DHRS7C: variants seen among roughly 807,000 people sequenced by gnomAD.
The protein encoded by DHRS7C is dehydrogenase/reductase 7C.
A neutral mutation model predicts 29.6 loss-of-function variants in DHRS7C; 28 were observed. That is an observed-to-expected ratio of 0.95 (90% CI 0.70 to 1.30). The LOEUF is 1.30. DHRS7C is among the 50% of genes most tolerant of loss of function. The probability of loss-of-function intolerance (pLI) is 0.00; values close to 1 mark genes in which losing one functional copy is unlikely to be tolerated. For synonymous variants in DHRS7C, 158 were observed against 160.2 expected (o/e 0.99, Z 0.10); for missense variants, 403 against 393.3 (o/e 1.02, Z -0.21).
chr17:9,777,362 C>T (rs2272032), intron 3 of DHRS7C, 77 bp from the exon 4 acceptor site: 305,677 of 1,248,878 alleles, frequency 0.24, 38,375 homozygotes, highest in East Asian at 0.36. Flanking sequence ...CCCCTGCCCC[C>T]GGTACCCTCA....
rs1247929976 is a variant in DHRS7C at position 9,774,441 on chromosome 17, T to G, written c.572-1519A>C. ...CTGAGATTATGGGTACACACCATCA[T>G]GCCTGGCTAATTTTTGTATTTTTAG... On this transcript the variant is annotated intron_variant, in intron 4 of 5. Transcript: ENST00000571134. The surrounding 1 kb of genome is among the most constrained non-coding windows in gnomAD (Gnocchi z 5.0). Among the ~76,000 whole-genome samples, 1 of 152,120 alleles carries G rather than the reference T, an allele frequency of 6.6e-6. No individual in the cohort carries two copies. The highest frequency in any genetic ancestry group is 1.9e-4 in the East Asian group (1 of 5,178).
chr17:9,772,139 C>T (rs1318251270), intron 5 of DHRS7C, among the ~76,000 whole-genome samples: 1 of 152,138 alleles, frequency 6.6e-6, no homozygotes, highest in East Asian at 1.9e-4. Flanking sequence ...AGCGCCTCTA[C>T]GCTTAGAGCA....
At chr17:9,773,045 C>T in intron 4 of DHRS7C, 123 bp from the exon 5 acceptor site, 1 of 1,184,760 alleles carries the variant, frequency 8.4e-7, no homozygotes, top group Non-Finnish European at 1.2e-6. Context: ...GGAAGATCCT[C>T]AAGAATCTGC....
intron 1 of DHRS7C, among the ~76,000 whole-genome samples, chr17:9,783,216 A>G (rs2066403092): frequency 6.6e-6 from 1 of 152,370 alleles, no homozygotes; most frequent in South Asian, 2.1e-4. Context: ...GTCTGCTGAC[A>G]GAGGGAAACC....
At position 9,787,060 on chromosome 17, in the gene DHRS7C, C is replaced by T. The variant is rs368065058; in HGVS notation, c.154+4071G>A. Among the ~76,000 whole-genome samples, 4 of 152,128 alleles carry T rather than the reference C, an allele frequency of 2.6e-5. No homozygotes were observed. In the South Asian group the frequency reaches 8.3e-4, roughly 31 times the overall value. On this transcript the variant is annotated intron_variant, in intron 1 of 5. Transcript: ENST00000571134. ...TCCCAGGTTCAAGTGATTCTCCCGC[C>T]TCAGCCTCCCAAGTAGCTGGGATTA...
At chr17:9,777,473 C>A (rs535809456) in intron 3 of DHRS7C, among the ~76,000 whole-genome samples, 188 bp from the exon 4 acceptor site, 2 of 151,178 alleles carry the variant, frequency 1.3e-5, no homozygotes, top group African/African-American at 4.9e-5. Flanking sequence ...CGTGGGCTGG[C>A]GAGTTGCTGG....
rs116614649 is a variant in DHRS7C at position 9,788,953 on chromosome 17, A to G, written c.154+2178T>C. Among the ~76,000 whole-genome samples the G allele has an allele frequency of 4.4e-3, 667 of 152,318 alleles. 3 individuals are homozygous for G. Among genetic ancestry groups the G allele is most frequent in the African/African-American group, 0.015 (629 of 41,564 alleles). On this transcript the variant is annotated intron_variant, in intron 1 of 5. Coordinates refer to ENST00000571134, the MANE Select transcript of DHRS7C (RefSeq NM_001105571.3). Reference sequence around the variant, plus strand: ...AAAAAGAACAGTGACAGTAGACACGACAAGCTAGGCCATGAGGTCCTGCAA... The same window carrying G: ...AAAAAGAACAGTGACAGTAGACACGGCAAGCTAGGCCATGAGGTCCTGCAA...
intron 1 of DHRS7C, among the ~76,000 whole-genome samples, chr17:9,784,619 T>C (rs182304793): frequency 6.6e-6 from 1 of 152,354 alleles, no homozygotes; most frequent in East Asian, 1.9e-4. Context: ...TGTGAAGAAC[T>C]CTTACAAATC....
At position 9,781,604 on chromosome 17, in the gene DHRS7C, A is replaced by C. The variant is rs76199532; in HGVS notation, c.155-10T>G. 8 of 1,612,962 alleles carry C rather than the reference A, an allele frequency of 5.0e-6. 1 individual carries two copies. The highest frequency in any genetic ancestry group is 2.7e-5 in the African/African-American group (2 of 75,046). ...AACACCCGAGCACACTCTGTGGGGAAGAAGGAAACAGGGCAGGGCACACTG... is the reference window on the plus strand; with the variant it reads ...AACACCCGAGCACACTCTGTGGGGACGAAGGAAACAGGGCAGGGCACACTG... On this transcript the variant is annotated splice_polypyrimidine_tract_variant and intron_variant, in intron 1 of 5. Transcript: ENST00000571134.
intron 4 of DHRS7C, among the ~76,000 whole-genome samples, chr17:9,776,935 T>A (rs1211457605): frequency 2.6e-5 from 4 of 152,196 alleles, no homozygotes; most frequent in African/African-American, 9.6e-5. Flanking sequence ...CTAGTGCATG[T>A]CCTGCCCCCA....
At chr17:9,789,296 T>A (rs1019212422) in intron 1 of DHRS7C, among the ~76,000 whole-genome samples, 1 of 152,078 alleles carries the variant, frequency 6.6e-6, no homozygotes, top group African/African-American at 2.4e-5. Flanking sequence ...AGAATCGAAA[T>A]CATACAGAGC....
intron 1 of DHRS7C, among the ~76,000 whole-genome samples, chr17:9,786,951 AT>A (rs971592063): frequency 5.0e-4 from 74 of 147,214 alleles, no homozygotes; most frequent in East Asian, 9.9e-4. Flanking sequence ...ATGAGCATCT[AT>A]TTTTTTTTTT....
At position 9,791,155 on chromosome 17, in the gene DHRS7C, C is replaced by A. The variant is rs372936816; in HGVS notation, c.130G>T (p.Asp44Tyr). 1 of 1,613,196 alleles carries A rather than the reference C, an allele frequency of 6.2e-7. No individual in the cohort carries two copies. Among genetic ancestry groups the A allele is most frequent in the Non-Finnish European group, 8.5e-7 (1 of 1,179,654 alleles). Residue 44 changes from aspartate to tyrosine, a missense_variant, in exon 1 of 6, where the codon GAT (aspartate) becomes TAT (tyrosine). Transcript: ENST00000571134. ...CCCTTGCCCAGTCCTGAGATGGCAT[C>A]GGTGATCACCACCACTTTGTTCTGC... ...AVQNKVVVIT[D>Y]AISGLGKECA...
At chr17:9,773,970 G>A (rs975994790) in intron 4 of DHRS7C, among the ~76,000 whole-genome samples, 2 of 152,090 alleles carry the variant, frequency 1.3e-5, no homozygotes, top group African/African-American at 4.8e-5. Flanking sequence ...TGATCTGCCT[G>A]TCTTGGCCTC....
At chr17:9,786,939 T>A (rs1326776133) in intron 1 of DHRS7C, among the ~76,000 whole-genome samples, 1 of 152,130 alleles carries the variant, frequency 6.6e-6, no homozygotes, top group African/African-American at 2.4e-5. Flanking sequence ...CCTCTCTTGA[T>A]GATGAGCATC....
chr17:9,786,595 TA>T (rs35200626), intron 1 of DHRS7C, among the ~76,000 whole-genome samples: 2 of 151,922 alleles, frequency 1.3e-5, no homozygotes, highest in East Asian at 1.9e-4. Context: ...TCTTTTTACT[TA>T]AAAAAATTCT....
At chr17:9,786,944 A>G (rs11652420) in intron 1 of DHRS7C, among the ~76,000 whole-genome samples, 19,551 of 151,796 alleles carry the variant, frequency 0.13, 1,640 homozygotes, top group Non-Finnish European at 0.2. Context: ...CTTGATGATG[A>G]GCATCTATTT....
intron 3 of DHRS7C, among the ~76,000 whole-genome samples, chr17:9,778,548 C>T (rs939931271): frequency 2.0e-5 from 3 of 152,184 alleles, no homozygotes; most frequent in South Asian, 4.1e-4. Flanking sequence ...TTTCTTGGTT[C>T]GTTGCTTTGA....
In DHRS7C at chr17:9,774,216, T is replaced by C. The variant is rs1416783823; in HGVS notation, c.572-1294A>G. Among the ~76,000 whole-genome samples the C allele has an allele frequency of 6.6e-6, 1 of 152,236 alleles. No individual in the cohort carries two copies. The highest frequency in any genetic ancestry group is 1.5e-5 in the Non-Finnish European group (1 of 68,046). ...ACCCAGAGGTGAATAGAAGTAGCTC[T>C]GGCCTCATGGAGTCCTCATTTCATC... On this transcript the variant is annotated intron_variant, in intron 4 of 5. Transcript: ENST00000571134. This position sits in a 1 kb window ranked among gnomAD's most constrained non-coding sequence, Gnocchi z 5.0.
Sources: gnomAD v4.1 joint callset for allele counts (sites outside exome capture counted in the v4.1 genomes callset) on GRCh38, gnomAD v4.1.1 for gene constraint, Gnocchi (gnomAD v3.1) non-coding constraint, MANE v1.5 for transcripts, NCBI Gene and HGNC (gene_info 2026-07-23, HGNC 2026-07-21) for gene names.